TRIP12: variants seen among roughly 807,000 people sequenced by gnomAD.
TRIP12 encodes the protein E3 ubiquitin-protein ligase TRIP12.
A neutral mutation model predicts 244.2 loss-of-function variants in TRIP12; 25 were observed. That is an observed-to-expected ratio of 0.10 (90% CI 0.07 to 0.14). TRIP12 has a LOEUF of 0.14. Ranked by LOEUF, TRIP12 falls within the 10% of genes least tolerant of loss-of-function variation. The pLI, the probability that TRIP12 is intolerant of heterozygous loss-of-function variation, is 1.00. For synonymous variants in TRIP12, 905 were observed against 873.1 expected (o/e 1.04, Z -0.64); for missense variants, 1,677 against 2,486.4 (o/e 0.67, Z 6.92).
rs1016589958 is a variant in TRIP12 at position 229,858,921 on chromosome 2, T to C, written c.878A>G (p.Gln293Arg). ...SPRRSSREKE[Q>R]SKTGGSSKFD... Reference sequence around the variant, plus strand: ...TTTTGAAGAGCCACCAGTTTTACTCTGTTCCTTTTCCCTGCTACTTCTTCT... The same window carrying C: ...TTTTGAAGAGCCACCAGTTTTACTCCGTTCCTTTTCCCTGCTACTTCTTCT... Residue 293 changes from glutamine (Q) to arginine (R), a missense_variant, in exon 4 of 42, where the codon CAG becomes CGG. Gln to Arg is a conservative substitution (Grantham distance 43, BLOSUM62 1). Coordinates refer to ENST00000675903, the MANE Select transcript of TRIP12 (RefSeq NM_001348323.3). The C allele has an allele frequency of 1.2e-6, 2 of 1,614,100 alleles. No homozygotes were observed. Among genetic ancestry groups the C allele is most frequent in the African/African-American group, 1.3e-5 (1 of 74,942 alleles).
chr2:229,790,507 C>T (rs1476054004), intron 30 of TRIP12, among the ~76,000 whole-genome samples: 1 of 127,124 alleles, frequency 7.9e-6, no homozygotes, highest in African/African-American at 3.0e-5. Flanking sequence ...GTGAAAATTA[C>T]TGTGGTGGCG....
chr2:229,919,671 C>A (rs1397907093), intron 1 of TRIP12, among the ~76,000 whole-genome samples: 1 of 151,724 alleles, frequency 6.6e-6, no homozygotes, highest in Non-Finnish European at 1.5e-5. Flanking sequence ...GTATAAATGT[C>A]AGCTGAACAG....
chr2:229,909,951 A>C (rs1023710225), intron 1 of TRIP12, among the ~76,000 whole-genome samples: 1 of 152,204 alleles, frequency 6.6e-6, no homozygotes, highest in African/African-American at 2.4e-5. Flanking sequence ...GCCTTAAATG[A>C]TTGCTTTTCT....
chr2:229,767,743 C>T lies in TRIP12; in HGVS notation c.6015G>A (p.Arg2005=), dbSNP rs750866722. ...CAATTGTCAAAGGTGGATTCAAACT[C>T]CGGAATCCTGATTAAGAGAAAAAGA... ...GSPRLPVGGF[R]SLNPPLTIVR... is the part of the protein sequence containing the mutation. Residue 2005 remains arginine (R), a synonymous_variant, in exon 42 of 42, where the codon CGG becomes CGA. Transcript: ENST00000675903. The T allele has an allele frequency of 6.2e-7, 1 of 1,605,728 alleles. No homozygotes were observed. The highest frequency in any genetic ancestry group is 8.5e-7 in the Non-Finnish European group (1 of 1,177,602).
chr2:229,860,320 G>A, intron 3 of TRIP12, 86 bp downstream of exon 3: 1 of 1,476,606 alleles, frequency 6.8e-7, no homozygotes, highest in Non-Finnish European at 9.1e-7. Flanking sequence ...AAAACGTTTT[G>A]GAATAACCTC....
chr2:229,839,325 T>G (rs905530636), intron 5 of TRIP12, among the ~76,000 whole-genome samples: 19 of 152,196 alleles, frequency 1.2e-4, no homozygotes, highest in Non-Finnish European at 2.4e-4. Flanking sequence ...TTCTCCATGA[T>G]GTTTGCATGG....
chr2:229,910,921 C>A (rs1577091915), intron 1 of TRIP12, among the ~76,000 whole-genome samples: 1 of 152,306 alleles, frequency 6.6e-6, no homozygotes, highest in African/African-American at 2.4e-5. Context: ...ACTACTGAAT[C>A]TTCTTAAACA....
intron 1 of TRIP12, among the ~76,000 whole-genome samples, chr2:229,903,929 GGAGGGCT>G (rs2071864138): frequency 6.6e-6 from 1 of 151,972 alleles, no homozygotes; most frequent in South Asian, 2.1e-4. Flanking sequence ...GATCTACTCA[GGAGGGCT>G]GAGGCAGGAG....
Position 229,858,838 on chromosome 2 carries a change from G to C in TRIP12, c.961C>G (p.Leu321Val). 1 of 1,614,150 alleles carries C rather than the reference G, an allele frequency of 6.2e-7. No individual in the cohort carries two copies. The highest frequency in any genetic ancestry group is 1.3e-5 in the African/African-American group (1 of 75,058). Residue 321 changes from leucine to valine, a missense_variant, in exon 4 of 42, where the codon CTT (leucine) becomes GTT (valine). Physicochemically the swap from Leu to Val is conservative, Grantham distance 32. Transcript: ENST00000675903. Reference sequence around the variant, plus strand: ...GTCTCTGACTTAGAAGACCCTGGAAGAGACAGTTTTGTTTTAGGAAGGCTA... The same window carrying C: ...GTCTCTGACTTAGAAGACCCTGGAACAGACAGTTTTGTTTTAGGAAGGCTA... Reference protein sequence around the residue: ...KVSLPKTKLSLPGSSKSETSK... With the variant: ...KVSLPKTKLSVPGSSKSETSK...
intron 2 of TRIP12, among the ~76,000 whole-genome samples, chr2:229,875,394 AAC>A (rs2063403977): frequency 6.6e-6 from 1 of 152,220 alleles, no homozygotes; most frequent in African/African-American, 2.4e-5. Context: ...TTTAGAAAAA[AAC>A]AGAGTGGGTC....
chr2:229,916,114 C>A (rs972027060), intron 1 of TRIP12, among the ~76,000 whole-genome samples: 1 of 152,196 alleles, frequency 6.6e-6, no homozygotes, highest in Non-Finnish European at 1.5e-5. Context: ...TGTTCCAATT[C>A]ATCTGTGGAG....
At chr2:229,832,308 T>C (rs2053653691) in intron 6 of TRIP12, among the ~76,000 whole-genome samples, 2 of 152,234 alleles carry the variant, frequency 1.3e-5, no homozygotes, top group Non-Finnish European at 2.9e-5. Flanking sequence ...CTGTGGCCGC[T>C]TTCACGCTAT....
At chr2:229,915,271 G>A (rs1489962477) in intron 1 of TRIP12, among the ~76,000 whole-genome samples, 1 of 151,932 alleles carries the variant, frequency 6.6e-6, no homozygotes, top group African/African-American at 2.4e-5. Flanking sequence ...AACTTATTTA[G>A]GTCCTCAATG....
intron 4 of TRIP12, among the ~76,000 whole-genome samples, chr2:229,851,119 G>T (rs117016841): frequency 1.3e-5 from 2 of 152,236 alleles, no homozygotes; most frequent in African/African-American, 4.8e-5. Context: ...GCGCGGGACC[G>T]GCAGGCAGCT....
chr2:229,801,406 ACAATG>A (rs1032940032), intron 21 of TRIP12, among the ~76,000 whole-genome samples: 200 of 152,318 alleles, frequency 1.3e-3, no homozygotes, highest in African/African-American at 4.7e-3. Context: ...CCTGCACAAG[ACAATG>A]CTACCCTGCA....
At chr2:229,906,031 G>A (rs1053616390) in intron 1 of TRIP12, among the ~76,000 whole-genome samples, 2 of 152,150 alleles carry the variant, frequency 1.3e-5, no homozygotes, top group Admixed American at 6.5e-5. Flanking sequence ...ATGGCCAGGC[G>A]CAGTGGCTCA....
chr2:229,844,653 G>A (rs1289780071), intron 4 of TRIP12, among the ~76,000 whole-genome samples: 1 of 152,106 alleles, frequency 6.6e-6, no homozygotes, highest in Non-Finnish European at 1.5e-5. Context: ...AGAAGTCAAA[G>A]CAAACATCAA....
At chr2:229,867,441 A>G (rs977790661) in intron 2 of TRIP12, among the ~76,000 whole-genome samples, 2 of 152,100 alleles carry the variant, frequency 1.3e-5, no homozygotes, top group Non-Finnish European at 2.9e-5. Flanking sequence ...GTGGGATTAC[A>G]GGTATGAGCC....
intron 1 of TRIP12, among the ~76,000 whole-genome samples, chr2:229,892,134 C>T (rs556472192): frequency 4.6e-5 from 7 of 152,158 alleles, no homozygotes; most frequent in African/African-American, 1.7e-4. Flanking sequence ...AGAAAATAAA[C>T]AAACTATATG....
Sources: gnomAD v4.1 joint callset for allele counts (sites outside exome capture counted in the v4.1 genomes callset) on GRCh38, gnomAD v4.1.1 for gene constraint, MANE v1.5 for transcripts, NCBI Gene and HGNC (gene_info 2026-07-23, HGNC 2026-07-21) for gene names.